The following ABR variants were observed in gnomAD, a reference collection of about 807,000 sequenced individuals.
ABR encodes the protein ABR activator of RhoGEF and GTPase, also known as active breakpoint cluster region-related protein.
ABR carries 35 observed loss-of-function variants against 107.2 expected under a neutral mutation model. The ratio of observed to expected loss-of-function variants is 0.33; its 90% CI spans 0.25 to 0.43. ABR has a LOEUF of 0.43. Among genes scored for constraint, ABR ranks in the 20% least tolerant of loss-of-function variants. The pLI, the probability that ABR is intolerant of heterozygous loss-of-function variation, is 1.00. For synonymous variants in ABR, 498 were observed against 462.0 expected (o/e 1.08, Z -1.00); for missense variants, 815 against 1,115.2 (o/e 0.73, Z 3.83).
intron 1 of ABR, among the ~76,000 whole-genome samples, chr17:1,211,533 G>A (rs563255842): frequency 5.9e-5 from 9 of 152,090 alleles, no homozygotes; most frequent in Non-Finnish European, 8.8e-5. Context: ...ATTATTCACC[G>A]TGATTTTTTT....
chr17:1,045,306 T>A (rs1347133634), intron 16 of ABR, among the ~76,000 whole-genome samples: 1 of 152,264 alleles, frequency 6.6e-6, no homozygotes, highest in African/African-American at 2.4e-5. Flanking sequence ...TGCCTCTGAA[T>A]TCCTGCGGGA....
chr17:1,195,115 G>A lies in ABR; in HGVS notation c.838+33678C>T, dbSNP rs1168030261. Among the ~76,000 whole-genome samples the A allele has an allele frequency of 1.2e-3, 180 of 144,458 alleles. 1 individual carries two copies. The highest frequency in any genetic ancestry group is 1.1e-3 in the Non-Finnish European group (74 of 65,816). The allele number at this position is 144,458 out of a possible 152,430, so 94.8% of individuals were successfully genotyped here. On this transcript the variant is annotated intron_variant, in intron 1 of 22. Transcript: ENST00000574139. ...GAGGTCAGGAGATCGAGACCATCCT[G>A]GCTAACACGGTGAAACCCCGTCTCT... is the stretch of plus-strand genomic sequence containing the variant.
At chr17:1,082,600 G>A (rs371253751) in intron 5 of ABR, among the ~76,000 whole-genome samples, 6 of 152,328 alleles carry the variant, frequency 3.9e-5, no homozygotes. Flanking sequence ...CACATAAGTG[G>A]CTCTTACCCT....
In ABR at chr17:1,095,557, G is replaced by A. The variant is rs953728046; in HGVS notation, c.346-3707C>T. Among the ~76,000 whole-genome samples, 7 of 152,178 alleles carry A rather than the reference G, an allele frequency of 4.6e-5. No individual in the cohort carries two copies. In the East Asian group the frequency reaches 9.7e-4, roughly 21 times the overall value. ...CACGGCACAGCCATTCTGCCAAAGC[G>A]CTAGCACACCACTCAGGCACCCCCT... On this transcript the variant is annotated intron_variant, in intron 3 of 22. Transcript: ENST00000302538.
At position 1,008,815 on chromosome 17, in the gene ABR, C is replaced by G. The variant is rs186912267; in HGVS notation, c.2342+864G>C. Among the ~76,000 whole-genome samples, 10 of 152,334 alleles carry G rather than the reference C, an allele frequency of 6.6e-5. No homozygotes were observed. In the East Asian group the frequency reaches 1.9e-3, roughly 29 times the overall value. On this transcript the variant is annotated intron_variant, in intron 21 of 22. Transcript: ENST00000302538. ...GGTTTAAGGGACGCCCAGGGACCAC[C>G]TCCCCACGCAAGCCTGAGGACCTCT...
At chr17:1,224,565 G>T (rs566727294) in intron 1 of ABR, among the ~76,000 whole-genome samples, 21 of 152,318 alleles carry the variant, frequency 1.4e-4, no homozygotes, top group African/African-American at 5.1e-4. Flanking sequence ...GGCCAATCCA[G>T]CAAAAAGAGA....
chr17:1,137,249 G>T lies in ABR; in HGVS notation c.62-11882C>A, dbSNP rs565929190. On this transcript the variant is annotated intron_variant, in intron 1 of 22. Coordinates refer to ENST00000302538, the MANE Select transcript of ABR (RefSeq NM_021962.5). Reference sequence around the variant, plus strand: ...AGTAGCGATGGGGTTTCACCATGTTGGCCAGGCTGGTCTTGAACTCCTGAC... The same window carrying T: ...AGTAGCGATGGGGTTTCACCATGTTTGCCAGGCTGGTCTTGAACTCCTGAC... 4.6e-5 allele frequency among the ~76,000 whole-genome samples: 7 copies of T among 152,200 alleles called. No individual in the cohort carries two copies. In the East Asian group the frequency reaches 1.4e-3, roughly 29 times the overall value.
chr17:1,085,396 G>A (rs926487287), intron 4 of ABR, among the ~76,000 whole-genome samples: 3 of 152,126 alleles, frequency 2.0e-5, no homozygotes, highest in South Asian at 2.1e-4. Flanking sequence ...GATTACAGGC[G>A]TGAGCCACCG....
chr17:1,218,666 G>A lies in ABR; in HGVS notation c.838+10127C>T, dbSNP rs375804453. Among the ~76,000 whole-genome samples the A allele has an allele frequency of 6.2e-4, 95 of 152,204 alleles. 1 individual carries two copies. In the Middle Eastern group the frequency reaches 0.017, roughly 27 times the overall value. ...TAACCTACACTTCTGCTCAACATTC[G>A]GCATGCCAAAACCATCTCATTATAG... On this transcript the variant is annotated intron_variant, in intron 1 of 22. Coordinates refer to the ABR transcript ENST00000574139.
chr17:1,198,213 A>T (rs548733674), intron 1 of ABR, among the ~76,000 whole-genome samples: 1 of 151,608 alleles, frequency 6.6e-6, no homozygotes, highest in East Asian at 1.9e-4. Context: ...GAGGCTGTAC[A>T]TGCAGGCAGG....
chr17:1,049,522 G>A (rs536228488), intron 16 of ABR, among the ~76,000 whole-genome samples: 1 of 152,038 alleles, frequency 6.6e-6, no homozygotes, highest in Non-Finnish European at 1.5e-5. Flanking sequence ...GTCCCCACCC[G>A]AAGCCACAGA....
chr17:1,201,414 C>T (rs557353141), intron 1 of ABR, among the ~76,000 whole-genome samples: 2 of 152,262 alleles, frequency 1.3e-5, no homozygotes, highest in East Asian at 1.9e-4. Context: ...CCTGTTCCCT[C>T]GTTAGCACTC....
chr17:1,067,150 T>G lies in ABR; in HGVS notation c.1109A>C (p.His370Pro). The G allele has an allele frequency of 6.2e-7, 1 of 1,613,646 alleles. No homozygotes were observed. Reference protein sequence around the residue: ...PEESEASPQVHPFPDHELEDM... With the variant: ...PEESEASPQVPPFPDHELEDM... ...CTCCAGCTCATGGTCTGGGAAGGGG[T>G]GCACCTGGGGGCTGGCCTCAGACTC... Residue 370 changes from histidine (H) to proline (P), a missense_variant, in exon 10 of 23, where the codon CAC becomes CCC. His to Pro is a moderately conservative substitution (Grantham distance 77). Coordinates refer to ENST00000302538, the MANE Select transcript of ABR (RefSeq NM_021962.5).
intron 2 of ABR, among the ~76,000 whole-genome samples, chr17:1,114,181 A>AAAG (rs1555586120): frequency 1.3e-4 from 20 of 151,162 alleles, no homozygotes; most frequent in African/African-American, 4.9e-4. Context: ...AAAAAAAAAA[A>AAAG]AAAATTAGGC....
intron 16 of ABR, chr17:1,031,871 CGCGCTCCCCTCCCTCCCT>C: frequency 8.3e-7 from 1 of 1,198,476 alleles, no homozygotes; most frequent in Non-Finnish European, 1.0e-6. Flanking sequence ...CCTCCCTCCC[CGCGCTCCCCTCCCTCCCT>C]CCCTCCGTCC....
At chr17:1,082,441 G>A (rs1298300657) in intron 5 of ABR, among the ~76,000 whole-genome samples, 1 of 151,478 alleles carries the variant, frequency 6.6e-6, no homozygotes, top group Non-Finnish European at 1.5e-5. Flanking sequence ...CAGCCAGGAA[G>A]GCTGGGCCTC....
chr17:1,180,194 C>T (rs956781556), upstream of ABR, among the ~76,000 whole-genome samples: 8 of 151,988 alleles, frequency 5.3e-5, no homozygotes, highest in African/African-American at 1.2e-4. Context: ...CTCCAGGCGG[C>T]GGCGCAGACC....
At chr17:1,223,858 C>CG (rs1283274031) in intron 1 of ABR, among the ~76,000 whole-genome samples, 2 of 152,106 alleles carry the variant, frequency 1.3e-5, no homozygotes, top group African/African-American at 4.8e-5. Flanking sequence ...GACAACAGCC[C>CG]GGGGGAAACC....
chr17:1,132,284 C>T (rs2039879549), intron 1 of ABR, among the ~76,000 whole-genome samples: 1 of 151,980 alleles, frequency 6.6e-6, no homozygotes, highest in South Asian at 2.1e-4. Context: ...CTGGTGAAAT[C>T]CTGTTTTGCC....
Sources: allele counts gnomAD v4.1 joint callset (sites outside exome capture counted in the v4.1 genomes callset), GRCh38; gene constraint gnomAD v4.1.1; transcripts MANE v1.5; gene names NCBI Gene and HGNC (gene_info 2026-07-23, HGNC 2026-07-21).